The following PDE1A variants were observed in gnomAD, a reference collection of about 807,000 sequenced individuals.
PDE1A encodes phosphodiesterase 1A.
In PDE1A, 35 loss-of-function variants were observed where a neutral mutation model predicts 61.7. That is an observed-to-expected ratio of 0.57 (90% CI 0.43 to 0.75). The LOEUF (loss-of-function observed/expected upper bound fraction) is 0.75. PDE1A is among the 30% of genes least tolerant of loss of function. The probability of loss-of-function intolerance (pLI) is 0.00; values close to 1 mark genes in which losing one functional copy is unlikely to be tolerated. For missense variants in PDE1A, 597 were observed against 630.6 expected (o/e 0.95, Z 0.57); for synonymous variants, 232 against 213.2 (o/e 1.09, Z -0.77).
chr2:182,458,415 A>T (rs549656220), intron 2 of PDE1A, among the ~76,000 whole-genome samples: 2 of 152,138 alleles, frequency 1.3e-5, no homozygotes, highest in Admixed American at 1.3e-4. Flanking sequence ...CCCTGTGTCC[A>T]TGGAGCTTCC....
At chr2:182,559,594 G>A in the PDE1A span, among the ~76,000 whole-genome samples, 1 of 152,088 alleles carries the variant, frequency 6.6e-6, no homozygotes, top group Non-Finnish European at 1.5e-5. Context: ...CTGAACATAG[G>A]TATACCCCAT....
the PDE1A span, among the ~76,000 whole-genome samples, chr2:182,660,921 T>A: frequency 1.3e-5 from 2 of 152,224 alleles, no homozygotes; most frequent in African/African-American, 4.8e-5. Flanking sequence ...AGCAGTGTTA[T>A]AAGCTTCTCA....
chr2:182,544,333 T>C, the PDE1A span, among the ~76,000 whole-genome samples: 1 of 152,212 alleles, frequency 6.6e-6, no homozygotes, highest in Admixed American at 6.5e-5. Context: ...TACAGCTGTC[T>C]GGTTTCCCTC....
chr2:182,600,079 ATTG>A, the PDE1A span, among the ~76,000 whole-genome samples: 1 of 152,198 alleles, frequency 6.6e-6, no homozygotes, highest in Admixed American at 6.5e-5. Context: ...AGTTTCCATC[ATTG>A]TTAATTAGAT....
intron 1 of PDE1A, among the ~76,000 whole-genome samples, chr2:182,372,596 A>G (rs2125253201): frequency 6.6e-6 from 1 of 152,350 alleles, no homozygotes; most frequent in Non-Finnish European, 1.5e-5. Flanking sequence ...TAGGCAGGAT[A>G]GGGACTGGAG....
intron 2 of PDE1A, among the ~76,000 whole-genome samples, chr2:182,516,965 C>T (rs1690241314): frequency 6.6e-6 from 1 of 151,948 alleles, no homozygotes; most frequent in Admixed American, 6.6e-5. Context: ...TCCATCTGCT[C>T]CTTTAATTCT....
chr2:182,644,062 C>T, the PDE1A span, among the ~76,000 whole-genome samples: 1 of 149,824 alleles, frequency 6.7e-6, no homozygotes, highest in African/African-American at 2.4e-5. Flanking sequence ...TGAGTTGATG[C>T]TCTTCATAGC....
At chr2:182,558,299 T>C in the PDE1A span, among the ~76,000 whole-genome samples, 1 of 151,998 alleles carries the variant, frequency 6.6e-6, no homozygotes, top group African/African-American at 2.4e-5. Context: ...TATAATCTAA[T>C]ATATATTATG....
At chr2:182,323,871 G>T (rs1202944325) in intron 1 of PDE1A, among the ~76,000 whole-genome samples, 3 of 152,284 alleles carry the variant, frequency 2.0e-5, no homozygotes, top group East Asian at 1.9e-4. Context: ...GCGTGTCAGT[G>T]TGTTGCCACA....
At chr2:182,685,219 T>C in the PDE1A span, among the ~76,000 whole-genome samples, 1 of 152,084 alleles carries the variant, frequency 6.6e-6, no homozygotes, top group Non-Finnish European at 1.5e-5. Flanking sequence ...TGCCTGCTTT[T>C]AATGCCCAAT....
At chr2:182,213,245 T>C (rs1460909989) in intron 7 of PDE1A, among the ~76,000 whole-genome samples, 4 of 145,574 alleles carry the variant, frequency 2.7e-5, no homozygotes, top group South Asian at 4.4e-4. Context: ...AGAAAGGACA[T>C]CCACACCAAA....
chr2:182,470,743 G>A (rs1686975624), intron 2 of PDE1A, among the ~76,000 whole-genome samples: 1 of 151,742 alleles, frequency 6.6e-6, no homozygotes, highest in Non-Finnish European at 1.5e-5. Flanking sequence ...CTGTTCATGG[G>A]ACAGCAAATA....
intron 2 of PDE1A, among the ~76,000 whole-genome samples, chr2:182,472,505 T>C (rs1687090210): frequency 6.6e-6 from 1 of 152,036 alleles, no homozygotes; most frequent in South Asian, 2.1e-4. Context: ...AGCTAAATTA[T>C]GTGTACACAT....
chr2:182,615,066 C>A, the PDE1A span, among the ~76,000 whole-genome samples: 4 of 152,164 alleles, frequency 2.6e-5, no homozygotes, highest in African/African-American at 9.7e-5. Context: ...CCTGAAAATT[C>A]ATTTATAATT....
chr2:182,186,449 A>G lies in PDE1A; in HGVS notation c.1328+19T>C. ...ACACCACAAAGATGAAAAATAATGC[A>G]AAAAAGAAAATATCATACCTGCTTG... On this transcript the variant is annotated intron_variant, in intron 12 of 13. Transcript: ENST00000351439. 1.2e-6 allele frequency: 2 copies of G among 1,606,570 alleles called. No individual in the cohort carries two copies. Among genetic ancestry groups the G allele is most frequent in the Non-Finnish European group, 1.7e-6 (2 of 1,178,294 alleles).
the PDE1A span, among the ~76,000 whole-genome samples, chr2:182,649,521 G>A: frequency 6.6e-6 from 1 of 150,716 alleles, no homozygotes; most frequent in African/African-American, 2.4e-5. Context: ...TGTAATTCCA[G>A]CACTTTGGGA....
chr2:182,176,166 G>T (rs370581907), intron 13 of PDE1A, among the ~76,000 whole-genome samples: 1 of 147,226 alleles, frequency 6.8e-6, no homozygotes, highest in Non-Finnish European at 1.5e-5. Context: ...TTGGCGATGC[G>T]GGCTCTTTTT....
Position 182,178,076 on chromosome 2 carries a change from T to C in PDE1A, c.1516+7816A>G, listed in dbSNP as rs944101601. On this transcript the variant is annotated intron_variant, in intron 13 of 13. Transcript: ENST00000351439. ...TGAGCTGATACAGTGAATCATTAGC[T>C]GATCTGGTTTTGTTTCTACTTGTTT... 2.0e-5 allele frequency among the ~76,000 whole-genome samples: 3 copies of C among 152,202 alleles called. No homozygotes were observed. The East Asian group carries it at 5.8e-4, about 29-fold the overall frequency.
At chr2:182,448,997 T>C (rs939259331) in intron 2 of PDE1A, among the ~76,000 whole-genome samples, 1 of 150,168 alleles carries the variant, frequency 6.7e-6, no homozygotes, top group Non-Finnish European at 1.5e-5. Flanking sequence ...TTTAAAATAA[T>C]AAGTATTGGA....
Sources: gnomAD v4.1 joint callset for allele counts (sites outside exome capture counted in the v4.1 genomes callset) on GRCh38, gnomAD v4.1.1 for gene constraint, MANE v1.5 for transcripts, NCBI Gene and HGNC (gene_info 2026-07-23, HGNC 2026-07-21) for gene names.